Variants in LIPA observed in about 807,000 individuals in gnomAD.
The protein encoded by LIPA is lipase A, lysosomal acid type.
LIPA carries 26 observed loss-of-function variants against 40.6 expected under a neutral mutation model. The ratio of observed to expected loss-of-function variants is 0.64; its 90% CI spans 0.47 to 0.89. The LOEUF (loss-of-function observed/expected upper bound fraction) is 0.89, where lower values mean the gene tolerates loss of function less well. Ranked by LOEUF, LIPA falls within the 40% of genes least tolerant of loss-of-function variation. The pLI is 0.00. For synonymous variants in LIPA, 188 were observed against 168.4 expected (o/e 1.12, Z -0.90); for missense variants, 455 against 479.6 (o/e 0.95, Z 0.48).
intron 1 of LIPA, among the ~76,000 whole-genome samples, chr10:89,317,249 T>C (rs1004877622): frequency 1.2e-4 from 18 of 152,108 alleles, no homozygotes; most frequent in Non-Finnish European, 2.4e-4. Flanking sequence ...CTGCAGACAA[T>C]CGGTAATAAC....
chr10:89,340,285 G>T (rs138354395), intron 1 of LIPA: 31 of 725,018 alleles, frequency 4.3e-5, no homozygotes, highest in Admixed American at 6.3e-5. Context: ...TTGGCCGGGC[G>T]CAGTGGCTCA....
intron 1 of LIPA, chr10:89,306,650 G>A (rs747228340): frequency 5.8e-5 from 94 of 1,614,000 alleles, no homozygotes; most frequent in Non-Finnish European, 8.0e-5. Context: ...GGAAGGTGAA[G>A]GAGAGAAGTT....
chr10:89,370,834 T>C (rs1351394435), intron 2 of LIPA, among the ~76,000 whole-genome samples: 1 of 151,944 alleles, frequency 6.6e-6, no homozygotes, highest in East Asian at 1.9e-4. Context: ...CTGGCCAACA[T>C]GGAAAACCCT....
chr10:89,247,739 A>G (rs1371995229), intron 1 of LIPA, 90 bp from the exon 2 acceptor site: 6 of 930,356 alleles, frequency 6.4e-6, no homozygotes, highest in Non-Finnish European at 8.6e-6. Flanking sequence ...AAAGTTCTGA[A>G]CCAGATTTAG....
intron 1 of LIPA, among the ~76,000 whole-genome samples, chr10:89,414,009 T>C (rs1379466299): frequency 1.3e-5 from 2 of 152,214 alleles, no homozygotes; most frequent in South Asian, 2.1e-4. Context: ...AGATCCCCAA[T>C]ACCACTCTTG....
chr10:89,325,928 C>G (rs1192288557), intron 1 of LIPA, among the ~76,000 whole-genome samples: 1 of 152,046 alleles, frequency 6.6e-6, no homozygotes, highest in Non-Finnish European at 1.5e-5. Flanking sequence ...ATCCAAAAGA[C>G]AGGCAATAAC....
At chr10:89,269,686 A>G (rs1292208840) in intron 1 of LIPA, among the ~76,000 whole-genome samples, 2 of 152,238 alleles carry the variant, frequency 1.3e-5, no homozygotes, top group African/African-American at 4.8e-5. Flanking sequence ...CAATACAGCA[A>G]TGCAATTGTA....
At chr10:89,262,906 G>C (rs909726649) in intron 1 of LIPA, among the ~76,000 whole-genome samples, 6 of 152,216 alleles carry the variant, frequency 3.9e-5, no homozygotes, top group Non-Finnish European at 8.8e-5. Context: ...TTTTTGTGAA[G>C]GGAACAGTAA....
intron 1 of LIPA, among the ~76,000 whole-genome samples, chr10:89,331,054 CT>C (rs1488208203): frequency 7.9e-5 from 12 of 152,336 alleles, no homozygotes; most frequent in Admixed American, 7.8e-4. Flanking sequence ...AGGAGTAGAG[CT>C]GCACCCAAGA....
intron 1 of LIPA, among the ~76,000 whole-genome samples, chr10:89,249,206 G>A (rs1280903242): frequency 6.6e-6 from 1 of 152,144 alleles, no homozygotes; most frequent in Non-Finnish European, 1.5e-5. Flanking sequence ...AATTTGACCC[G>A]TCTCTCTCCT....
rs200921121 is a variant in LIPA, at chr10:89,285,112, A to G, written c.-1-37463T>C. The G allele has an allele frequency of 9.7e-3, 1,465 of 150,340 alleles. 9 individuals carry two copies. The highest frequency in any genetic ancestry group is 0.024 in the Middle Eastern group (7 of 296). 9.3% of individuals were successfully genotyped at this position (150,340 alleles called of 1,614,324 possible). On this transcript the variant is annotated intron_variant, in intron 1 of 5. Coordinates refer to the LIPA transcript ENST00000282673. ...TTGGTGGTCTCTTCACATGGACGCG[A>G]GTGACATTTGGTGCCGTGACTCGGA...
intron 1 of LIPA, among the ~76,000 whole-genome samples, chr10:89,317,104 G>C (rs1843545417): frequency 6.6e-6 from 1 of 152,214 alleles, no homozygotes; most frequent in African/African-American, 2.4e-5. Context: ...CACAAAGATG[G>C]GGAGAAACCA....
chr10:89,392,805 T>A, intron 2 of LIPA: 1 of 1,373,696 alleles, frequency 7.3e-7, no homozygotes, highest in Non-Finnish European at 1.0e-6. Flanking sequence ...TAGATCTCAG[T>A]GAGGTCAGGT....
intron 2 of LIPA, among the ~76,000 whole-genome samples, chr10:89,358,428 T>C (rs1031660359): frequency 6.6e-6 from 1 of 152,222 alleles, no homozygotes; most frequent in African/African-American, 2.4e-5. Context: ...CTGCTGGATA[T>C]ATATTTTTAA....
At chr10:89,255,938 A>C (rs1245634983), upstream of LIPA, among the ~76,000 whole-genome samples, 1 of 152,242 alleles carries the variant, frequency 6.6e-6, no homozygotes, top group Non-Finnish European at 1.5e-5. Context: ...TATTAGCAAC[A>C]GTGGAAAGAG....
intron 3 of LIPA, among the ~76,000 whole-genome samples, chr10:89,244,065 A>G (rs1404378726): frequency 1.3e-5 from 2 of 152,152 alleles, no homozygotes; most frequent in Non-Finnish European, 2.9e-5. Context: ...CACAGGAAAA[A>G]CTAAAAGCTC....
chr10:89,276,965 C>T (rs1003446270), intron 1 of LIPA, among the ~76,000 whole-genome samples: 3 of 152,140 alleles, frequency 2.0e-5, no homozygotes, highest in African/African-American at 7.2e-5. Context: ...CTCGACCCTC[C>T]ATCTCATTCA....
intron 3 of LIPA, among the ~76,000 whole-genome samples, chr10:89,242,998 G>A (rs535162684): frequency 6.6e-6 from 1 of 152,298 alleles, no homozygotes; most frequent in South Asian, 2.1e-4. Context: ...GAGAGGACCC[G>A]TGGTCAAGAA....
intron 2 of LIPA, 79 bp downstream of exon 2, chr10:89,247,459 G>C (rs1379846314): frequency 2.6e-6 from 2 of 775,824 alleles, no homozygotes; most frequent in African/African-American, 3.4e-5. Context: ...TGAATGTATG[G>C]GTATGGCTTC....
Sources: allele counts gnomAD v4.1 joint callset (sites outside exome capture counted in the v4.1 genomes callset), GRCh38; gene constraint gnomAD v4.1.1; transcripts MANE v1.5; gene names NCBI Gene and HGNC (gene_info 2026-07-23, HGNC 2026-07-21).